COL15A1: variants seen among roughly 807,000 people sequenced by gnomAD.
COL15A1 encodes the protein collagen type XV alpha 1 chain.
COL15A1 carries 111 observed loss-of-function variants against 165.9 expected under a neutral mutation model. The observed-to-expected ratio is 0.67, with a 90% CI of 0.57 to 0.78. The LOEUF (loss-of-function observed/expected upper bound fraction) is 0.78, where lower values mean the gene tolerates loss of function less well. Ranked by LOEUF, COL15A1 falls within the 30% of genes least tolerant of loss-of-function variation. COL15A1 has a pLI of 0.00. For missense variants in COL15A1, 1,745 were observed against 1,789.7 expected, an observed-to-expected ratio of 0.98 and a Z score of 0.45; for synonymous variants, 659 against 674.8, an observed-to-expected ratio of 0.98 and a Z score of 0.36.
chr9:99,034,937 T>C, intron 17 of COL15A1, 77 bp from the exon 18 acceptor site: 2 of 1,254,004 alleles, frequency 1.6e-6, no homozygotes, highest in South Asian at 2.4e-5. Flanking sequence ...GGAGTGATTT[T>C]CTGATTCAGG....
chr9:99,050,183 A>T (rs1009775492), intron 30 of COL15A1, among the ~76,000 whole-genome samples: 1 of 152,270 alleles, frequency 6.6e-6, no homozygotes, highest in African/African-American at 2.4e-5. Context: ...TGCTTGGAGT[A>T]GTATAAAACT....
At chr9:99,025,030 G>A (rs558129784) in intron 15 of COL15A1, 31 bp downstream of exon 15, 1 of 1,604,992 alleles carries the variant, frequency 6.2e-7, no homozygotes, top group South Asian at 1.1e-5. Context: ...CCCCATCTCT[G>A]TGGCTGTGGG....
intron 9 of COL15A1, among the ~76,000 whole-genome samples, chr9:99,011,417 A>AC (rs1339223511): frequency 6.8e-6 from 1 of 146,064 alleles, no homozygotes; most frequent in Non-Finnish European, 1.5e-5. Flanking sequence ...AAAAAAAAAA[A>AC]AAAAAAAGTC....
intron 5 of COL15A1, among the ~76,000 whole-genome samples, chr9:98,993,005 C>A (rs994940100): frequency 1.3e-5 from 2 of 152,166 alleles, no homozygotes; most frequent in Non-Finnish European, 2.9e-5. Flanking sequence ...TTCCATGCTT[C>A]CCCAACCCAA....
intron 11 of COL15A1, among the ~76,000 whole-genome samples, chr9:99,019,013 T>C (rs946857215): frequency 3.3e-5 from 5 of 151,510 alleles, no homozygotes; most frequent in Non-Finnish European, 4.4e-5. Flanking sequence ...GAGTTAGAGA[T>C]AGAATGAGAG....
chr9:98,964,179 G>A (rs1394559304), intron 2 of COL15A1, among the ~76,000 whole-genome samples: 4 of 152,222 alleles, frequency 2.6e-5, no homozygotes, highest in African/African-American at 9.6e-5. Context: ...TGGTCCTCCT[G>A]GGGTTCCCCC....
At chr9:98,965,942 G>T (rs1406184211) in intron 2 of COL15A1, among the ~76,000 whole-genome samples, 4 of 151,808 alleles carry the variant, frequency 2.6e-5, no homozygotes, top group Non-Finnish European at 5.9e-5. Context: ...GTTGGTGTCT[G>T]GTCCTTTTTT....
At chr9:99,015,721 C>A (rs1193184280) in intron 10 of COL15A1, among the ~76,000 whole-genome samples, 155 bp downstream of exon 10, 1 of 152,236 alleles carries the variant, frequency 6.6e-6, no homozygotes, top group Non-Finnish European at 1.5e-5. Flanking sequence ...GGACACAATG[C>A]TGGAGTGTAG....
At chr9:98,999,430 T>G (rs1588508576) in intron 6 of COL15A1, among the ~76,000 whole-genome samples, 1 of 151,734 alleles carries the variant, frequency 6.6e-6, no homozygotes, top group Non-Finnish European at 1.5e-5. Context: ...AGCAGGAGGG[T>G]TGCTGGAGGG....
At chr9:99,035,897 T>C (rs1839292470) in intron 19 of COL15A1, among the ~76,000 whole-genome samples, 1 of 152,102 alleles carries the variant, frequency 6.6e-6, no homozygotes, top group Non-Finnish European at 1.5e-5. Flanking sequence ...TCATTCTCTT[T>C]GTTAAATGGG....
chr9:98,975,097 C>T (rs1052828023), intron 2 of COL15A1, among the ~76,000 whole-genome samples: 6 of 152,234 alleles, frequency 3.9e-5, no homozygotes, highest in African/African-American at 1.2e-4. Flanking sequence ...CGCCAGGAGC[C>T]GCTGCCGCGC....
chr9:99,003,356 A>C, intron 7 of COL15A1, 97 bp from the exon 8 acceptor site: 1 of 893,416 alleles, frequency 1.1e-6, no homozygotes, highest in East Asian at 2.9e-5. Context: ...ACAGAAATGC[A>C]GGTGGCTGGA....
chr9:99,026,933 C>G (rs1839136284), intron 16 of COL15A1, among the ~76,000 whole-genome samples: 1 of 152,156 alleles, frequency 6.6e-6, no homozygotes, highest in Non-Finnish European at 1.5e-5. Context: ...CTAGCACAAG[C>G]CTCTATTAGT....
chr9:99,063,135 T>C, intron 39 of COL15A1, 26 bp downstream of exon 39: 1 of 1,568,590 alleles, frequency 6.4e-7, no homozygotes, highest in South Asian at 1.2e-5. Flanking sequence ...ACATTTAATC[T>C]TCAAATACTG....
intron 2 of COL15A1, among the ~76,000 whole-genome samples, chr9:98,948,596 C>CA (rs67986686): frequency 0.39 from 39,023 of 100,326 alleles, 7,488 homozygotes; most frequent in East Asian, 0.55. Context: ...GACTCTGTCT[C>CA]AAAAAAAAAA....
At chr9:99,005,784 C>A (rs1408644977) in intron 9 of COL15A1, among the ~76,000 whole-genome samples, 1 of 152,192 alleles carries the variant, frequency 6.6e-6, no homozygotes, top group Non-Finnish European at 1.5e-5. Context: ...CCTGCCGTGT[C>A]CCCAGCCCGG....
intron 16 of COL15A1, among the ~76,000 whole-genome samples, chr9:99,033,166 G>T (rs1282280483): frequency 1.3e-5 from 2 of 152,192 alleles, no homozygotes; most frequent in African/African-American, 2.4e-5. Context: ...TGGGAGGTGG[G>T]CAGTAGCCCC....
At chr9:99,048,591 T>C (rs1181796009) in intron 28 of COL15A1, among the ~76,000 whole-genome samples, 2 of 152,132 alleles carry the variant, frequency 1.3e-5, no homozygotes, top group African/African-American at 4.8e-5. Context: ...GTGCACAACA[T>C]GCAGGTTTGT....
Position 99,023,422 on chromosome 9 carries a change from C to G in COL15A1, c.1827C>G (p.Asp609Glu), listed in dbSNP as rs1839061274. ...WGSDVGSGSG[D>E]LVGSEQLLRG... ...CGGACGTCGGCTCTGGCTCTGGTGA[C>G]CTGGTGGGCAGTGAGCAGCTGCTGA... The change falls in exon 14 of 42, where the codon GAC (aspartate) becomes GAG (glutamate). Residue 609 changes from aspartate (D) to glutamate (E), a missense_variant. Physicochemically the swap from Asp to Glu is conservative, Grantham distance 45 (BLOSUM62 2). Coordinates refer to ENST00000375001, the MANE Select transcript of COL15A1 (RefSeq NM_001855.5). 3 of 1,527,282 alleles carry G rather than the reference C, an allele frequency of 2.0e-6. No individual in the cohort carries two copies. Among genetic ancestry groups the G allele is most frequent in the Middle Eastern group, 1.7e-4 (1 of 5,918 alleles). The allele number at this position is 1,527,282 out of a possible 1,614,324, so 94.6% of individuals were successfully genotyped here.
Sources: allele counts gnomAD v4.1 joint callset (sites outside exome capture counted in the v4.1 genomes callset), GRCh38; gene constraint gnomAD v4.1.1; transcripts MANE v1.5; gene names NCBI Gene and HGNC (gene_info 2026-07-23, HGNC 2026-07-21).